SLC9A9: variants seen among roughly 807,000 people sequenced by gnomAD.
SLC9A9 encodes solute carrier family 9 member A9.
In SLC9A9, 62 loss-of-function variants were observed where a neutral mutation model predicts 77.8. The observed-to-expected ratio is 0.80, with a 90% CI of 0.65 to 0.98. The LOEUF (loss-of-function observed/expected upper bound fraction) is 0.98. Ranked by LOEUF, SLC9A9 falls within the 50% of genes least tolerant of loss-of-function variation. The pLI, the probability that SLC9A9 is intolerant of heterozygous loss-of-function variation, is 0.00. For synonymous variants in SLC9A9, 320 were observed against 283.5 expected, an observed-to-expected ratio of 1.13 and a Z score of -1.29; for missense variants, 775 against 774.9, an observed-to-expected ratio of 1.00 and a Z score of 0.00.
chr3:143,703,119 T>G (rs1933852625), intron 4 of SLC9A9, among the ~76,000 whole-genome samples: 1 of 152,028 alleles, frequency 6.6e-6, no homozygotes, highest in African/African-American at 2.4e-5. Flanking sequence ...AATACAATAA[T>G]AGCTGGAGAC....
intron 4 of SLC9A9, among the ~76,000 whole-genome samples, chr3:143,721,006 C>T (rs557738736): frequency 1.3e-5 from 2 of 152,276 alleles, no homozygotes; most frequent in African/African-American, 4.8e-5. Flanking sequence ...CCCTAGAGTT[C>T]GAGACCAGCC....
intron 13 of SLC9A9, among the ~76,000 whole-genome samples, chr3:143,372,371 G>C (rs972698820): frequency 1.3e-5 from 2 of 151,960 alleles, no homozygotes; most frequent in Non-Finnish European, 2.9e-5. Flanking sequence ...TAGATACATA[G>C]ACCAATGGAA....
chr3:143,734,532 G>A (rs1262332263), intron 4 of SLC9A9, among the ~76,000 whole-genome samples: 1 of 152,002 alleles, frequency 6.6e-6, no homozygotes, highest in African/African-American at 2.4e-5. Flanking sequence ...TCAGGAGATC[G>A]AGACCATCCT....
intron 14 of SLC9A9, among the ~76,000 whole-genome samples, chr3:143,272,268 A>G (rs1449621841): frequency 6.6e-6 from 1 of 152,222 alleles, no homozygotes; most frequent in Non-Finnish European, 1.5e-5. Flanking sequence ...CAAGGCACCC[A>G]TACAAGGAAA....
At chr3:143,798,808 G>GCTTCTTTGGGAACTCTGT (rs1560084970) in intron 2 of SLC9A9, among the ~76,000 whole-genome samples, 1 of 151,916 alleles carries the variant, frequency 6.6e-6, no homozygotes, top group Non-Finnish European at 1.5e-5. Flanking sequence ...CATGCAACTT[G>GCTTCTTTGGGAACTCTGT]TCCCAAATCT....
chr3:143,418,176 C>T (rs2034231685), intron 12 of SLC9A9, among the ~76,000 whole-genome samples: 1 of 151,100 alleles, frequency 6.6e-6, no homozygotes, highest in Non-Finnish European at 1.5e-5. Flanking sequence ...GAATTCTTAA[C>T]TCCATCCAGC....
chr3:143,512,592 A>C (rs934291823), intron 9 of SLC9A9, among the ~76,000 whole-genome samples: 2 of 152,216 alleles, frequency 1.3e-5, no homozygotes, highest in African/African-American at 2.4e-5. Context: ...AAAACAATGT[A>C]CATGGCTGGG....
chr3:143,590,102 C>T (rs1036437968), intron 6 of SLC9A9, among the ~76,000 whole-genome samples: 1 of 152,222 alleles, frequency 6.6e-6, no homozygotes, highest in African/African-American at 2.4e-5. Context: ...TCCCATATCT[C>T]CTGGCATTCA....
chr3:143,288,133 A>G (rs1938430256), intron 14 of SLC9A9, among the ~76,000 whole-genome samples: 1 of 152,194 alleles, frequency 6.6e-6, no homozygotes, highest in African/African-American at 2.4e-5. Context: ...ATTGAGAACT[A>G]AAGAGCTTAT....
chr3:143,748,947 C>T (rs1307367309), intron 4 of SLC9A9, among the ~76,000 whole-genome samples: 3 of 151,886 alleles, frequency 2.0e-5, no homozygotes, highest in African/African-American at 7.2e-5. Flanking sequence ...TCATGATCCA[C>T]CCGCCTCGGC....
chr3:143,474,663 T>G (rs2035438315), intron 11 of SLC9A9, among the ~76,000 whole-genome samples: 1 of 151,868 alleles, frequency 6.6e-6, no homozygotes, highest in Non-Finnish European at 1.5e-5. Flanking sequence ...AGCTGCCTAT[T>G]AGTCTTCCAA....
At chr3:143,806,967 G>A (rs548640180) in intron 2 of SLC9A9, among the ~76,000 whole-genome samples, 2 of 152,298 alleles carry the variant, frequency 1.3e-5, no homozygotes, top group African/African-American at 4.8e-5. Context: ...TTGGCTTCAT[G>A]TTTTACTCTG....
intron 6 of SLC9A9, among the ~76,000 whole-genome samples, chr3:143,609,547 A>C (rs2037984097): frequency 6.6e-6 from 1 of 152,116 alleles, no homozygotes. Context: ...TAATTCAGAG[A>C]ACTGAGAGAG....
intron 6 of SLC9A9, among the ~76,000 whole-genome samples, chr3:143,601,805 C>T (rs1041042554): frequency 3.9e-5 from 6 of 152,172 alleles, no homozygotes; most frequent in African/African-American, 7.2e-5. Context: ...CTTCTATAGG[C>T]TTTTCTGGAG....
At chr3:143,669,749 T>G (rs993423654) in intron 5 of SLC9A9, among the ~76,000 whole-genome samples, 1 of 152,212 alleles carries the variant, frequency 6.6e-6, no homozygotes. Context: ...ATGAACTTGG[T>G]GATCTTGAGC....
intron 4 of SLC9A9, among the ~76,000 whole-genome samples, chr3:143,791,980 G>A (rs565944214): frequency 6.6e-5 from 10 of 152,252 alleles, no homozygotes; most frequent in South Asian, 2.1e-4. Context: ...AGTAAAGCAC[G>A]TTTTTGGCAT....
At chr3:143,654,512 C>T (rs978393772) in intron 5 of SLC9A9, among the ~76,000 whole-genome samples, 10 of 152,218 alleles carry the variant, frequency 6.6e-5, no homozygotes, top group African/African-American at 2.2e-4. Context: ...CAAGCAAACA[C>T]TTCTGCTAAG....
At chr3:143,449,864 TAAAATATATAA>T (rs1576505897) in intron 12 of SLC9A9, among the ~76,000 whole-genome samples, 1 of 82,096 alleles carries the variant, frequency 1.2e-5, no homozygotes, top group Non-Finnish European at 2.1e-5. Flanking sequence ...ATTATATATA[TAAAATATATAA>T]TTATATAAAT....
intron 4 of SLC9A9, among the ~76,000 whole-genome samples, chr3:143,752,165 C>T (rs1245523963): frequency 2.0e-5 from 3 of 152,182 alleles, no homozygotes; most frequent in Non-Finnish European, 4.4e-5. Context: ...GCAGAGTGCA[C>T]ACCACCCCAT....
Sources: gnomAD v4.1 joint callset for allele counts (sites outside exome capture counted in the v4.1 genomes callset) on GRCh38, gnomAD v4.1.1 for gene constraint, MANE v1.5 for transcripts, NCBI Gene and HGNC (gene_info 2026-07-23, HGNC 2026-07-21) for gene names.